ARHGAP6: variants seen among roughly 807,000 people sequenced by gnomAD.
ARHGAP6 encodes the protein Rho GTPase activating protein 6, also known as rho GTPase-activating protein 6.
A neutral mutation model predicts 55.7 loss-of-function variants in ARHGAP6; 16 were observed. The ratio of observed to expected loss-of-function variants is 0.29; its 90% CI spans 0.19 to 0.44. ARHGAP6 has a LOEUF of 0.44. Among genes scored for constraint, ARHGAP6 ranks in the 20% least tolerant of loss-of-function variants. ARHGAP6 has a pLI of 1.00. For synonymous variants in ARHGAP6, 382 were observed against 360.9 expected, an observed-to-expected ratio of 1.06 and a Z score of -0.66; for missense variants, 698 against 808.9, an observed-to-expected ratio of 0.86 and a Z score of 1.66.
intron 1 of ARHGAP6, among the ~76,000 whole-genome samples, chrX:11,473,584 G>T (rs1418834095): frequency 1.8e-5 from 2 of 111,459 alleles, no homozygotes; most frequent in Non-Finnish European, 3.8e-5. Flanking sequence ...ATCAAGGATT[G>T]CCAGGAGCCA....
chrX:11,412,645 A>G (rs2049700036), intron 1 of ARHGAP6, among the ~76,000 whole-genome samples: 1 of 112,284 alleles, frequency 8.9e-6, no homozygotes, highest in Admixed American at 9.4e-5. Context: ...AGATCTTTTC[A>G]TTGAATTAAT....
intron 8 of ARHGAP6, among the ~76,000 whole-genome samples, chrX:11,172,565 C>T (rs1047589790): frequency 9.0e-6 from 1 of 111,594 alleles, no homozygotes; most frequent in African/African-American, 3.3e-5. Context: ...ATGTTTCATA[C>T]GAGAACAATC....
At chrX:11,501,878 G>A (rs887112305) in intron 1 of ARHGAP6, among the ~76,000 whole-genome samples, 2 of 111,383 alleles carry the variant, frequency 1.8e-5, no homozygotes, top group Non-Finnish European at 1.9e-5. Context: ...TTGCTGTCTC[G>A]AGGGTGGCAG....
At chrX:11,166,338 C>T (rs2046016747) in intron 9 of ARHGAP6, among the ~76,000 whole-genome samples, 1 of 111,683 alleles carries the variant, frequency 9.0e-6, no homozygotes, top group African/African-American at 3.3e-5. Context: ...CTCACAGCTA[C>T]CTTTCCTAAC....
intron 1 of ARHGAP6, among the ~76,000 whole-genome samples, chrX:11,408,908 T>C (rs1299510011): frequency 9.5e-6 from 1 of 104,822 alleles, no homozygotes; most frequent in African/African-American, 3.5e-5. Flanking sequence ...CACACACACA[T>C]ACACACACAC....
intron 1 of ARHGAP6, among the ~76,000 whole-genome samples, chrX:11,346,700 C>A (rs1274414946): frequency 3.3e-5 from 2 of 60,643 alleles, no homozygotes; most frequent in African/African-American, 1.3e-4. Flanking sequence ...CACAGTGAGA[C>A]CCTGTCTCAA....
intron 1 of ARHGAP6, among the ~76,000 whole-genome samples, chrX:11,354,311 CTCTCTCTCTCTCTCTCTA>C (rs2048902952): frequency 3.1e-5 from 2 of 65,194 alleles, no homozygotes; most frequent in African/African-American, 1.2e-4. Flanking sequence ...CTCTCTCTCT[CTCTCTCTCTCTCTCTCTA>C]TATATATATA....
intron 1 of ARHGAP6, 62 bp downstream of exon 1, chrX:11,664,179 T>A: frequency 7.7e-6 from 8 of 1,040,150 alleles, no homozygotes; most frequent in Non-Finnish European, 1.0e-5. Context: ...TTAAAGGCGG[T>A]CTCCTGAAAC....
chrX:11,625,921 C>T (rs2052293562), intron 1 of ARHGAP6, among the ~76,000 whole-genome samples: 1 of 111,036 alleles, frequency 9.0e-6, no homozygotes, highest in African/African-American at 3.3e-5. Context: ...CTAAACAGTG[C>T]CTGGTCTATA....
At chrX:11,271,478 CTT>C (rs1314221442) in intron 1 of ARHGAP6, among the ~76,000 whole-genome samples, 1 of 110,506 alleles carries the variant, frequency 9.0e-6, no homozygotes, top group Non-Finnish European at 1.9e-5. Flanking sequence ...GCAAAAGTCT[CTT>C]CTCAGTGGGG....
intron 1 of ARHGAP6, among the ~76,000 whole-genome samples, chrX:11,603,895 C>T (rs956801577): frequency 8.9e-6 from 1 of 111,861 alleles, no homozygotes; most frequent in Admixed American, 9.5e-5. Context: ...ATCAAAAATG[C>T]TAACCCAAAT....
At chrX:11,314,939 G>A (rs2048341032) in intron 1 of ARHGAP6, among the ~76,000 whole-genome samples, 1 of 112,196 alleles carries the variant, frequency 8.9e-6, no homozygotes, top group African/African-American at 3.2e-5. Flanking sequence ...GAACTTAAAA[G>A]CTAAAAAAGA....
chrX:11,193,643 C>A (rs1284814453), intron 3 of ARHGAP6, among the ~76,000 whole-genome samples: 1 of 112,554 alleles, frequency 8.9e-6, no homozygotes, highest in East Asian at 2.8e-4. Context: ...TATGTCTTTT[C>A]TTTGGAACCA....
intron 1 of ARHGAP6, among the ~76,000 whole-genome samples, chrX:11,602,570 C>T (rs1290364941): frequency 8.9e-6 from 1 of 112,979 alleles, no homozygotes; most frequent in Non-Finnish European, 1.9e-5. Flanking sequence ...AGGTCTATGT[C>T]ATGAGCCCCT....
intron 1 of ARHGAP6, among the ~76,000 whole-genome samples, chrX:11,504,755 G>T (rs1256973726): frequency 8.9e-6 from 1 of 111,946 alleles, no homozygotes; most frequent in Non-Finnish European, 1.9e-5. Flanking sequence ...AATGGACAAT[G>T]GTGGTTTCAT....
chrX:11,573,367 G>T (rs2147109963), intron 1 of ARHGAP6, among the ~76,000 whole-genome samples: 1 of 110,373 alleles, frequency 9.1e-6, no homozygotes, highest in East Asian at 2.8e-4. Context: ...TTTGTATAAG[G>T]TGTAAGGAAG....
intron 1 of ARHGAP6, among the ~76,000 whole-genome samples, chrX:11,443,784 C>T (rs896619038): frequency 5.4e-5 from 6 of 111,232 alleles, no homozygotes; most frequent in African/African-American, 1.3e-4. Flanking sequence ...AAAAATTAGC[C>T]GGTCATGGTG....
At chrX:11,509,110 A>G (rs1245988481) in intron 1 of ARHGAP6, among the ~76,000 whole-genome samples, 2 of 111,815 alleles carry the variant, frequency 1.8e-5, no homozygotes, top group Non-Finnish European at 3.8e-5. Context: ...TACAGTGTTG[A>G]TCATAATCCC....
chrX:11,482,029 G>C (rs1347363637), intron 1 of ARHGAP6, among the ~76,000 whole-genome samples: 2 of 112,722 alleles, frequency 1.8e-5, no homozygotes, highest in Non-Finnish European at 3.7e-5. Flanking sequence ...GGAAGCTACA[G>C]TTGCAGGAGC....
Sources: allele counts gnomAD v4.1 joint callset (sites outside exome capture counted in the v4.1 genomes callset), GRCh38; gene constraint gnomAD v4.1.1; transcripts MANE v1.5; gene names NCBI Gene and HGNC (gene_info 2026-07-23, HGNC 2026-07-21).